IQCH: variants seen among roughly 807,000 people sequenced by gnomAD.
IQCH encodes IQ domain-containing protein H.
Under a neutral mutation model 117.0 loss-of-function variants are expected in IQCH, and 98 were observed. The ratio of observed to expected loss-of-function variants is 0.84; its 90% CI spans 0.71 to 0.99. The LOEUF (loss-of-function observed/expected upper bound fraction) is 0.99. Ranked by LOEUF, IQCH falls within the 50% of genes least tolerant of loss-of-function variation. The pLI is 0.00. For synonymous variants in IQCH, 412 were observed against 448.2 expected, an observed-to-expected ratio of 0.92 and a Z score of 1.02; for missense variants, 1,102 against 1,243.8, an observed-to-expected ratio of 0.89 and a Z score of 1.72.
intron 5 of IQCH, among the ~76,000 whole-genome samples, chr15:67,338,855 T>G (rs906682767): frequency 1.3e-5 from 2 of 152,138 alleles, no homozygotes; most frequent in African/African-American, 4.8e-5. Flanking sequence ...TCTCCATTTC[T>G]CATCTCACTC....
chr15:67,335,573 G>C (rs1968856296), intron 4 of IQCH, among the ~76,000 whole-genome samples: 1 of 152,094 alleles, frequency 6.6e-6, no homozygotes, highest in African/African-American at 2.4e-5. Flanking sequence ...TTACTGATTA[G>C]GAGGAGATCC....
At chr15:67,292,911 A>T (rs1966799919) in intron 4 of IQCH, among the ~76,000 whole-genome samples, 1 of 152,016 alleles carries the variant, frequency 6.6e-6, no homozygotes, top group East Asian at 1.9e-4. Flanking sequence ...ATTGCATCTG[A>T]TTATTTTATT....
chr15:67,258,111 A>T lies in IQCH; in HGVS notation c.52-3161A>T, dbSNP rs1965299607. ...CTAGGTGTGGTGGCAGGCACCTGTA[A>T]TCCCAGCTACTTGGGAGGCTGAGGC... On this transcript the variant is annotated intron_variant, in intron 1 of 20. Transcript: ENST00000335894. Among the ~76,000 whole-genome samples, 3 of 151,984 alleles carry T rather than the reference A, an allele frequency of 2.0e-5. No homozygotes were observed. In the South Asian group the frequency reaches 6.2e-4, roughly 32 times the overall value.
At chr15:67,292,122 C>T (rs1324184402) in intron 4 of IQCH, among the ~76,000 whole-genome samples, 1 of 152,144 alleles carries the variant, frequency 6.6e-6, no homozygotes, top group South Asian at 2.1e-4. Context: ...TGTGCAGACA[C>T]AGTGAAAAGA....
chr15:67,353,565 GC>G (rs1340804953), intron 6 of IQCH, among the ~76,000 whole-genome samples: 1 of 151,898 alleles, frequency 6.6e-6, no homozygotes, highest in Non-Finnish European at 1.5e-5. Flanking sequence ...TCACCATGTT[GC>G]CCAGGGTGGT....
chr15:67,321,447 TCTTTCCTTC>T (rs1409205657), intron 4 of IQCH, among the ~76,000 whole-genome samples: 3 of 151,176 alleles, frequency 2.0e-5, no homozygotes, highest in Non-Finnish European at 2.9e-5. Context: ...TTCTTTTCTT[TCTTTCCTTC>T]CTTTCCTTCC....
intron 20 of IQCH, among the ~76,000 whole-genome samples, chr15:67,499,625 C>T (rs2083925189): frequency 1.3e-5 from 2 of 151,790 alleles, no homozygotes; most frequent in South Asian, 2.1e-4. Flanking sequence ...ATATTGAAAA[C>T]ATGTTCACAC....
intron 4 of IQCH, chr15:67,307,081 G>A: frequency 7.9e-7 from 1 of 1,267,320 alleles, no homozygotes; most frequent in Non-Finnish European, 9.9e-7. Context: ...TTGAATTGCT[G>A]CACAAATAAC....
chr15:67,341,449 A>T (rs1376668354), intron 5 of IQCH, among the ~76,000 whole-genome samples: 3 of 152,216 alleles, frequency 2.0e-5, no homozygotes, highest in Non-Finnish European at 4.4e-5. Context: ...ATAACTTGCC[A>T]TCCATAAATG....
rs112799730 is a variant in IQCH at position 67,312,335 on chromosome 15, A to T, written c.388-24640A>T. On this transcript the variant is annotated intron_variant, in intron 4 of 20. Transcript: ENST00000335894. ...TGTATTTTATTTAATCCATTTATAA[A>T]ACATTATTCTGAGAAGGGGTCTGTA... Among the ~76,000 whole-genome samples, 3 of 152,232 alleles carry T rather than the reference A, an allele frequency of 2.0e-5. 1 individual carries two copies. Among genetic ancestry groups the T allele is most frequent in the African/African-American group, 7.2e-5 (3 of 41,554 alleles).
At chr15:67,258,918 G>T (rs1400952991) in intron 1 of IQCH, among the ~76,000 whole-genome samples, 3 of 152,096 alleles carry the variant, frequency 2.0e-5, no homozygotes, top group African/African-American at 7.2e-5. Flanking sequence ...TATAGTATTT[G>T]TCTCTATTGC....
intron 15 of IQCH, among the ~76,000 whole-genome samples, chr15:67,418,554 A>ACACACAC (rs1393744743): frequency 3.2e-4 from 9 of 28,398 alleles, no homozygotes; most frequent in Non-Finnish European, 4.6e-4. Flanking sequence ...CACACACACA[A>ACACACAC]GATCAATAAT....
intron 16 of IQCH, among the ~76,000 whole-genome samples, chr15:67,462,463 T>C (rs1191684026): frequency 6.6e-6 from 1 of 151,766 alleles, no homozygotes; most frequent in Non-Finnish European, 1.5e-5. Context: ...TAAGGCAATT[T>C]CACGTGCATT....
chr15:67,266,338 A>G (rs1444950129), intron 3 of IQCH, among the ~76,000 whole-genome samples: 1 of 152,138 alleles, frequency 6.6e-6, no homozygotes, highest in African/African-American at 2.4e-5. Flanking sequence ...TGATGGCTTT[A>G]TACTGGCTGT....
chr15:67,431,302 C>T lies in IQCH; in HGVS notation c.2505+9725C>T, dbSNP rs1436937210. On this transcript the variant is annotated intron_variant, in intron 16 of 20. Transcript: ENST00000335894. This position sits in a 1 kb window ranked among gnomAD's most constrained non-coding sequence, Gnocchi z 4.8. ...ATGAAAATTCCCAAATTAAAAAATT[C>T]TTTCAGAACAAGATCATGTCCTGCA... 6.6e-6 allele frequency among the ~76,000 whole-genome samples: 1 copy of T among 152,128 alleles called. No homozygotes were observed. The highest frequency in any genetic ancestry group is 2.4e-5 in the African/African-American group (1 of 41,424).
intron 4 of IQCH, among the ~76,000 whole-genome samples, chr15:67,299,644 G>A (rs923634339): frequency 6.6e-6 from 1 of 152,078 alleles, no homozygotes; most frequent in Admixed American, 6.6e-5. Flanking sequence ...CAGGTCATTT[G>A]TCATATAGGT....
intron 16 of IQCH, among the ~76,000 whole-genome samples, chr15:67,462,738 A>G (rs1320424005): frequency 1.3e-5 from 2 of 152,082 alleles, no homozygotes; most frequent in Non-Finnish European, 2.9e-5. Flanking sequence ...TTTGTTATGT[A>G]TGTTTCCCTT....
rs188871761 is a variant in IQCH, at chr15:67,437,237, T to C, written c.2505+15660T>C. Reference sequence around the variant, plus strand: ...ATATGGTTCACATCACAGGACTCTATGCAGACAACACTCAGTGCCAATCCA... The same window carrying C: ...ATATGGTTCACATCACAGGACTCTACGCAGACAACACTCAGTGCCAATCCA... On this transcript the variant is annotated intron_variant, in intron 16 of 20. Transcript: ENST00000335894. Among the ~76,000 whole-genome samples, 3 of 152,312 alleles carry C rather than the reference T, an allele frequency of 2.0e-5. No individual in the cohort carries two copies. In the East Asian group the frequency reaches 5.8e-4, roughly 29 times the overall value.
chr15:67,441,242 C>G (rs1019749372), intron 16 of IQCH, among the ~76,000 whole-genome samples: 1 of 148,730 alleles, frequency 6.7e-6, no homozygotes, highest in African/African-American at 2.5e-5. Flanking sequence ...ACAGACGACA[C>G]AAACAAATGG....
Sources: allele counts gnomAD v4.1 joint callset (sites outside exome capture counted in the v4.1 genomes callset), GRCh38; gene constraint gnomAD v4.1.1; non-coding constraint Gnocchi (gnomAD v3.1); transcripts MANE v1.5; gene names NCBI Gene and HGNC (gene_info 2026-07-23, HGNC 2026-07-21).